Variants in PERM1 observed in about 807,000 individuals in gnomAD.
PERM1 encodes the protein PGC-1 and ERR-induced regulator in muscle protein 1.
Under a neutral mutation model 44.1 loss-of-function variants are expected in PERM1, and 45 were observed. The observed-to-expected ratio is 1.02, with a 90% CI of 0.80 to 1.31. The LOEUF (loss-of-function observed/expected upper bound fraction) is 1.31, where lower values mean the gene tolerates loss of function less well. Ranked by LOEUF, PERM1 falls within the 50% of genes most tolerant of loss-of-function variation. The pLI is 0.00. For synonymous variants in PERM1, 565 were observed against 477.1 expected, an observed-to-expected ratio of 1.18 and a Z score of -2.40; for missense variants, 1,189 against 1,106.9, an observed-to-expected ratio of 1.07 and a Z score of -1.05.
At chr1:976,665 G>C in intron 1 of PERM1, 41 bp from the exon 3 acceptor site, 1 of 1,546,842 alleles carries the variant, frequency 6.5e-7, no homozygotes, top group Non-Finnish European at 8.7e-7. Context: ...GCTGCACTCA[G>C]AGATGGCCCC....
chr1:981,389 C>T (rs190935115), upstream of PERM1, among the ~76,000 whole-genome samples: 1 of 152,328 alleles, frequency 6.6e-6, no homozygotes, highest in African/African-American at 2.4e-5. Flanking sequence ...GGTTTGAATG[C>T]TCTTTCCCAT....
At chr1:975,897 G>A (rs1051280049) in exon 3 of PERM1, 1 of 474,468 alleles carries the variant, frequency 2.1e-6, no homozygotes, top group Non-Finnish European at 3.7e-6. Context: ...AATGCCCTGT[G>A]TTCTCATCTG....
chr1:978,977 G>A, exon 1 of PERM1: 1 of 1,519,258 alleles, frequency 6.6e-7, no homozygotes, highest in African/African-American at 1.4e-5. Flanking sequence ...GGAGGCTCCA[G>A]GGCCTGCAGT....
rs111310172 is a variant in PERM1 at position 979,446 on chromosome 1, G to C, written c.1584C>G (p.Pro528=). ...CCCCGTGGGCCCCAGTTGCTGTCTGGGGGGCTGAGGGCCGGGCTGAGGCCT... is the reference window on the plus strand; with the variant it reads ...CCCCGTGGGCCCCAGTTGCTGTCTGCGGGGCTGAGGGCCGGGCTGAGGCCT... Residue 528 remains proline, a synonymous_variant, in exon 1 of 3, where the codon CCC becomes CCG. Transcript: ENST00000433179. The C allele has an allele frequency of 3.6e-4, 553 of 1,543,962 alleles. 1 individual carries two copies. In the African/African-American group the frequency reaches 5.9e-3, roughly 16 times the overall value.
exon 3 of PERM1, chr1:975,969 C>T (rs1376677122): frequency 5.2e-6 from 3 of 574,696 alleles, no homozygotes; most frequent in Admixed American, 3.6e-5. Flanking sequence ...GACTTTAGCA[C>T]CTCCCTCCCA....
rs1360466198 is a variant in PERM1 at position 980,029 on chromosome 1, G to A, written c.1001C>T (p.Ala334Val). Reference sequence around the variant, plus strand: ...GTCCGTGTCAGGTTGCGGCTCAGAGGCAGGTGTAGACACAGCCATGTCCCT... The same window carrying A: ...GTCCGTGTCAGGTTGCGGCTCAGAGACAGGTGTAGACACAGCCATGTCCCT... The change falls in exon 1 of 3, where the codon GCC becomes GTC. Residue 334 changes from alanine (A) to valine (V), a missense_variant. Ala to Val is a moderately conservative substitution (Grantham distance 64). This residue lies in a region of PERM1 where 900 missense variants were observed against 760.4 expected (regional missense o/e 1.18). Coordinates refer to ENST00000433179, the Ensembl canonical transcript of PERM1. The A allele has an allele frequency of 1.6e-5, 25 of 1,548,942 alleles. No individual in the cohort carries two copies. In the East Asian group the frequency reaches 3.7e-4, roughly 23 times the overall value.
At chr1:976,653 C>G (rs1357800227) in intron 1 of PERM1, 29 bp from the exon 3 acceptor site, 1 of 1,548,490 alleles carries the variant, frequency 6.5e-7, no homozygotes, top group Non-Finnish European at 8.7e-7. Context: ...TTCAGCCCCA[C>G]GGCTGCACTC....
exon 3 of PERM1, chr1:976,161 G>T: frequency 1.3e-6 from 2 of 1,545,654 alleles, no homozygotes; most frequent in East Asian, 2.4e-5. Flanking sequence ...TCCCTGGCCC[G>T]GGCCTGGCTC....
exon 1 of PERM1, chr1:980,675 C>A: frequency 1.4e-6 from 2 of 1,425,864 alleles, no homozygotes; most frequent in Non-Finnish European, 9.1e-7. Context: ...GGAGGGCTGG[C>A]GCCGGGGCCG....
chr1:979,911 C>G (rs887634645), exon 1 of PERM1: 2 of 1,550,172 alleles, frequency 1.3e-6, no homozygotes, highest in East Asian at 4.9e-5. Flanking sequence ...CTGGTGTAGA[C>G]ACAGCCGTGT....
At chr1:979,281 G>C in exon 1 of PERM1, 2 of 1,549,380 alleles carry the variant, frequency 1.3e-6, no homozygotes, top group South Asian at 2.4e-5. Flanking sequence ...AGAACTCGTA[G>C]GCCTCCGGGA....
At chr1:976,519 G>T in exon 2 of PERM1, 1 of 1,549,564 alleles carries the variant, frequency 6.5e-7, no homozygotes, top group South Asian at 1.2e-5. Context: ...GGCGTCTGGG[G>T]TATGCGGATC....
exon 1 of PERM1, chr1:980,102 C>T (rs1415075687): frequency 6.5e-7 from 1 of 1,550,038 alleles, no homozygotes; most frequent in Non-Finnish European, 8.7e-7. Context: ...ATGTCCCTGT[C>T]AGGTTGCGGC....
exon 1 of PERM1, chr1:979,119 G>A: frequency 6.5e-7 from 1 of 1,549,962 alleles, no homozygotes; most frequent in Non-Finnish European, 8.7e-7. Flanking sequence ...CAGCTCTCGG[G>A]AGCGGCTCCG....
chr1:978,887 G>C, exon 1 of PERM1: 1 of 1,488,792 alleles, frequency 6.7e-7, no homozygotes, highest in Non-Finnish European at 9.0e-7. Context: ...GTACCTGCCC[G>C]TCTAAGAGCC....
Position 976,284 on chromosome 1 carries a change from C to A in PERM1, c.2276-15G>T, listed in dbSNP as rs1223110953. On this transcript the variant is annotated splice_polypyrimidine_tract_variant and intron_variant, in intron 2 of 2. Transcript: ENST00000433179. ...GGCCAGCAAGGCTGCAAGAGAAGCA[C>A]AGGCTCTTCTGAGGGCCAGCCTGGC... The A allele has an allele frequency of 2.0e-6, 3 of 1,495,194 alleles. No individual in the cohort carries two copies. Among genetic ancestry groups the A allele is most frequent in the Non-Finnish European group, 2.7e-6 (3 of 1,121,332 alleles). The allele number at this position is 1,495,194 out of a possible 1,614,324, so 92.6% of individuals were successfully genotyped here. A position where few individuals can be genotyped will look rare whatever the true frequency, so the allele number is the denominator to read the frequency against.
chr1:978,973 T>C (rs1429148428), exon 1 of PERM1: 5 of 1,517,672 alleles, frequency 3.3e-6, no homozygotes, highest in Non-Finnish European at 2.7e-6. Flanking sequence ...CCGGGGAGGC[T>C]CCAGGGCCTG....
exon 1 of PERM1, chr1:980,873 G>C: frequency 7.1e-7 from 1 of 1,406,174 alleles, no homozygotes; most frequent in Non-Finnish European, 9.2e-7. Context: ...GCCCTGGGGG[G>C]ACTGCTGCCA....
chr1:976,379 G>C (rs1643607839), intron 2 of PERM1, 110 bp from the exon 4 acceptor site: 2 of 1,497,224 alleles, frequency 1.3e-6, no homozygotes, highest in Non-Finnish European at 8.9e-7. Context: ...CAGGGCCGCA[G>C]CTCAGCCTGG....
Sources: allele counts gnomAD v4.1 joint callset (sites outside exome capture counted in the v4.1 genomes callset), GRCh38; gene constraint gnomAD v4.1.1; regional missense constraint gnomAD v4.1.1; transcripts MANE v1.5; gene names NCBI Gene and HGNC (gene_info 2026-07-23, HGNC 2026-07-21).